The following ZC4H2 variants were observed in gnomAD, a reference collection of about 807,000 sequenced individuals.
The protein encoded by ZC4H2 is zinc finger C4H2 domain-containing protein.
For missense variants in ZC4H2, 137 were observed against 173.9 expected (o/e 0.79, Z 1.19); for synonymous variants, 84 against 66.3 (o/e 1.27, Z -1.30).
intron 1 of ZC4H2, among the ~76,000 whole-genome samples, chrX:64,937,907 C>T (rs763644564): frequency 3.6e-5 from 4 of 110,655 alleles, no homozygotes; most frequent in South Asian, 7.7e-4. Flanking sequence ...TTCAAAAGCT[C>T]GCAGAAGACA....
chrX:64,987,053 G>A (rs1420517613), intron 1 of ZC4H2, among the ~76,000 whole-genome samples: 1 of 105,915 alleles, frequency 9.4e-6, no homozygotes, highest in Non-Finnish European at 1.9e-5. Context: ...TCAGCCTCCC[G>A]AGTAGCTGGG....
chrX:65,011,027 T>C (rs17216225), intron 1 of ZC4H2, among the ~76,000 whole-genome samples: 13,670 of 111,245 alleles, frequency 0.12, 889 homozygotes, highest in Non-Finnish European at 0.19. Flanking sequence ...ATAAATGAGA[T>C]TTAAGTTGGA....
chrX:64,980,023 G>A (rs1036657921), upstream of ZC4H2, among the ~76,000 whole-genome samples: 1 of 112,165 alleles, frequency 8.9e-6, no homozygotes, highest in African/African-American at 3.2e-5. Context: ...TACTTCAACA[G>A]TGAACTAAAC....
In ZC4H2 at chrX:64,953,193, T is replaced by G. The variant is rs749077554; in HGVS notation, c.53+23132A>C. On this transcript the variant is annotated intron_variant, in intron 1 of 4. Transcript: ENST00000374839. ...ATTCAAGATGGATTAAAGACCTAAA[T>G]GTTAGACCTAAAACCATAAAAACCT... 1.8e-3 allele frequency among the ~76,000 whole-genome samples: 200 copies of G among 112,005 alleles called. 2 individuals are homozygous for G. The highest frequency in any genetic ancestry group is 6.3e-3 in the African/African-American group (194 of 30,823).
intron 1 of ZC4H2, among the ~76,000 whole-genome samples, chrX:64,944,709 G>A (rs2184538): frequency 0.018 from 2,015 of 111,031 alleles, 22 homozygotes; most frequent in Non-Finnish European, 0.027. Flanking sequence ...TCACTTTTAG[G>A]TACACCAGTC....
intron 1 of ZC4H2, among the ~76,000 whole-genome samples, chrX:64,955,422 C>T (rs1306159236): frequency 4.5e-5 from 5 of 111,176 alleles, no homozygotes; most frequent in Non-Finnish European, 9.4e-5. Context: ...AATCTAGAAC[C>T]CAAAAATTGG....
At chrX:65,011,272 G>A (rs1011134150) in intron 1 of ZC4H2, among the ~76,000 whole-genome samples, 1 of 111,421 alleles carries the variant, frequency 9.0e-6, no homozygotes, top group Non-Finnish European at 1.9e-5. Flanking sequence ...TTTCAGGGTC[G>A]CTTAGCTAAG....
chrX:64,924,558 G>A (rs1037779119), intron 1 of ZC4H2, among the ~76,000 whole-genome samples: 5 of 111,261 alleles, frequency 4.5e-5, no homozygotes, highest in African/African-American at 1.6e-4. Flanking sequence ...ATACAACAAA[G>A]GGACCTAACA....
chrX:64,951,775 C>G (rs1428275402), intron 1 of ZC4H2, among the ~76,000 whole-genome samples: 1 of 110,798 alleles, frequency 9.0e-6, no homozygotes, highest in Non-Finnish European at 1.9e-5. Flanking sequence ...ATGGTAGTTT[C>G]TTTTGCTGTG....
chrX:64,971,233 TAAC>T (rs1399143885), intron 1 of ZC4H2, among the ~76,000 whole-genome samples: 1 of 112,253 alleles, frequency 8.9e-6, no homozygotes, highest in Non-Finnish European at 1.9e-5. Context: ...AGAAATAAAA[TAAC>T]AACCATGCTT....
chrX:64,959,620 T>C (rs1382688257), intron 1 of ZC4H2, among the ~76,000 whole-genome samples: 1 of 109,073 alleles, frequency 9.2e-6, no homozygotes, highest in Non-Finnish European at 1.9e-5. Context: ...TGGAGAATCA[T>C]GGTGAAATCT....
chrX:64,976,418 T>C lies in ZC4H2; in HGVS notation c.-41A>G, dbSNP rs776012385. 6 of 1,178,234 alleles carry C rather than the reference T, an allele frequency of 5.1e-6. No individual in the cohort carries two copies. The highest frequency in any genetic ancestry group is 5.8e-6 in the Non-Finnish European group (5 of 866,475). ...TTTCACGTCCCGAGAGATGTACAAATACACCAGCCAAGGGATACAATAGAC... is the reference window on the plus strand; with the variant it reads ...TTTCACGTCCCGAGAGATGTACAAACACACCAGCCAAGGGATACAATAGAC... On this transcript the variant is annotated 5_prime_UTR_variant, in exon 1 of 5. Coordinates refer to ENST00000374839, the MANE Select transcript of ZC4H2 (RefSeq NM_018684.4).
At chrX:65,033,396 A>G (rs1932961901) in intron 1 of ZC4H2, among the ~76,000 whole-genome samples, 1 of 111,956 alleles carries the variant, frequency 8.9e-6, no homozygotes, top group South Asian at 3.7e-4. Flanking sequence ...TTTACATGTT[A>G]ATTAACTGGA....
intron 1 of ZC4H2, among the ~76,000 whole-genome samples, chrX:65,002,474 G>T (rs1005862006): frequency 5.5e-5 from 6 of 108,771 alleles, no homozygotes; most frequent in African/African-American, 2.0e-4. Flanking sequence ...CGCCCCATCC[G>T]GGAGGTGGGG....
intron 1 of ZC4H2, among the ~76,000 whole-genome samples, chrX:64,988,573 G>A (rs1379465705): frequency 9.0e-6 from 1 of 110,655 alleles, no homozygotes; most frequent in Non-Finnish European, 1.9e-5. Context: ...CCCACTTTTT[G>A]ATGGGTTTGT....
intron 1 of ZC4H2, among the ~76,000 whole-genome samples, chrX:64,950,927 G>C (rs1228160989): frequency 9.1e-6 from 1 of 110,301 alleles, no homozygotes; most frequent in Non-Finnish European, 1.9e-5. Flanking sequence ...TTTAGCATTA[G>C]GTATATCTCC....
chrX:65,032,734 T>TTTCTTTCCTTCCTTCCTTCC (rs558406108), intron 1 of ZC4H2, among the ~76,000 whole-genome samples: 1 of 86,789 alleles, frequency 1.2e-5, no homozygotes, highest in Admixed American at 1.3e-4. Flanking sequence ...TTCTTCTTTC[T>TTTCTTTCCTTCCTTCCTTCC]TTCCTTCCTT....
intron 1 of ZC4H2, among the ~76,000 whole-genome samples, chrX:65,028,578 C>A (rs1932903842): frequency 9.2e-6 from 1 of 109,054 alleles, no homozygotes; most frequent in African/African-American, 3.4e-5. Flanking sequence ...GTAGCCCGGG[C>A]TGGAGTGCAG....
intron 1 of ZC4H2, among the ~76,000 whole-genome samples, chrX:65,008,738 C>T (rs1221817441): frequency 8.9e-6 from 1 of 111,771 alleles, no homozygotes; most frequent in African/African-American, 3.3e-5. Context: ...CACATTTTCT[C>T]ACTAATATGT....
Sources: gnomAD v4.1 joint callset for allele counts (sites outside exome capture counted in the v4.1 genomes callset) on GRCh38, gnomAD v4.1.1 for gene constraint, MANE v1.5 for transcripts, NCBI Gene and HGNC (gene_info 2026-07-23, HGNC 2026-07-21) for gene names.